RBM28: variants seen among roughly 807,000 people sequenced by gnomAD.
The protein encoded by RBM28 is RNA binding motif protein 28, also known as RNA-binding protein 28.
RBM28 carries 78 observed loss-of-function variants against 98.3 expected under a neutral mutation model. That is an observed-to-expected ratio of 0.79 (90% CI 0.66 to 0.96). The LOEUF (loss-of-function observed/expected upper bound fraction) is 0.96. Among genes scored for constraint, RBM28 ranks in the 40% least tolerant of loss-of-function variants. The pLI, the probability that RBM28 is intolerant of heterozygous loss-of-function variation, is 0.00. For missense variants in RBM28, 838 were observed against 913.0 expected (o/e 0.92, Z 1.06); for synonymous variants, 306 against 330.9 (o/e 0.92, Z 0.82).
chr7:128,326,712 A>C (rs1335007020), intron 10 of RBM28, among the ~76,000 whole-genome samples: 4 of 152,358 alleles, frequency 2.6e-5, no homozygotes, highest in African/African-American at 9.6e-5. Flanking sequence ...TTGCACTATG[A>C]CACAGGCACT....
At chr7:128,343,293 G>A (rs1404261686) in intron 1 of RBM28, among the ~76,000 whole-genome samples, 1 of 152,066 alleles carries the variant, frequency 6.6e-6, no homozygotes, top group African/African-American at 2.4e-5. Context: ...CCTAAATCCC[G>A]GATTCCTGTC....
chr7:128,315,643 ACTT>A (rs1263141816), intron 16 of RBM28, among the ~76,000 whole-genome samples: 2 of 152,170 alleles, frequency 1.3e-5, no homozygotes, highest in African/African-American at 4.8e-5. Context: ...GATTTCCAAG[ACTT>A]CTCTTCAGAA....
At chr7:128,337,676 G>C (rs941644607) in intron 5 of RBM28, among the ~76,000 whole-genome samples, 6 of 150,818 alleles carry the variant, frequency 4.0e-5, no homozygotes, top group African/African-American at 1.2e-4. Context: ...TCCTGCCTCA[G>C]CCTCTTGAGT....
chr7:128,338,255 A>C lies in RBM28; in HGVS notation c.536T>G (p.Ile179Arg). ...KALKGMNMKE[I>R]KGRTVAVDWA... is the part of the protein sequence containing the mutation. ...TATGGGTATAGAAAGCTTACCTTTT[A>C]TCTCTTTCATGTTCATGCCTTTGAG... The change falls in exon 5 of 19, where the codon ATA becomes AGA. Residue 179 changes from isoleucine to arginine, a missense_variant. By Grantham distance (97) the Ile-to-Arg change is moderately conservative (BLOSUM62 -3). Transcript: ENST00000223073. The C allele has an allele frequency of 3.1e-6, 5 of 1,613,360 alleles. No homozygotes were observed. In the South Asian group the frequency reaches 3.3e-5, roughly 11 times the overall value.
At chr7:128,318,716 T>TA (rs1419186750) in intron 14 of RBM28, among the ~76,000 whole-genome samples, 2 of 152,130 alleles carry the variant, frequency 1.3e-5, no homozygotes, top group African/African-American at 4.8e-5. Context: ...GTATGGATGT[T>TA]AAAAAACAAA....
rs1159915801 is a variant in RBM28 at position 128,304,269 on chromosome 7, C to T, written c.*6528G>A. The T allele has an allele frequency of 6.6e-6, 1 of 152,152 alleles. No homozygotes were observed. The highest frequency in any genetic ancestry group is 1.5e-5 in the Non-Finnish European group (1 of 68,040). The allele number at this position is 152,152 out of a possible 1,614,324, so 9.4% of individuals were successfully genotyped here. On this transcript the variant is annotated 3_prime_UTR_variant, in exon 19 of 19. Coordinates refer to ENST00000223073, the MANE Select transcript of RBM28 (RefSeq NM_018077.3). ...GATTTTTGCTGACTCTTCTATCCAACCTGTTTGCAATTCAACCATGATATG... is the reference window on the plus strand; with the variant it reads ...GATTTTTGCTGACTCTTCTATCCAATCTGTTTGCAATTCAACCATGATATG...
rs1795937787 is a variant in RBM28, at chr7:128,309,638, A to T, written c.*1159T>A. The stretch of plus-strand genomic sequence containing the variant: ...ACAGAGTGAGACTCCATCTCAAAAA[A>T]AAAAAAAAAAGAAGAAGAAACAGGG... On this transcript the variant is annotated 3_prime_UTR_variant, in exon 19 of 19. Coordinates refer to ENST00000223073, the MANE Select transcript of RBM28 (RefSeq NM_018077.3). 6.5e-6 allele frequency: 1 copy of T among 153,998 alleles called. No individual in the cohort carries two copies. The highest frequency in any genetic ancestry group is 1.4e-5 in the Non-Finnish European group (1 of 69,852). The allele number at this position is 153,998 out of a possible 1,614,324, so 9.5% of individuals were successfully genotyped here.
rs1796092402 is a variant in RBM28 at position 128,315,669 on chromosome 7, A to G, written c.1789-649T>C. Reference sequence around the variant, plus strand: ...CTTCTCTTCAGAAACCATGTAAGCAAGAAGGGAGTGAAGTGAGATATTTAA... The same window carrying G: ...CTTCTCTTCAGAAACCATGTAAGCAGGAAGGGAGTGAAGTGAGATATTTAA... On this transcript the variant is annotated intron_variant, in intron 16 of 18. Coordinates refer to ENST00000223073, the MANE Select transcript of RBM28 (RefSeq NM_018077.3). Among the ~76,000 whole-genome samples, 8 of 152,174 alleles carry G rather than the reference A, an allele frequency of 5.3e-5. No homozygotes were observed. The South Asian group carries it at 1.5e-3, about 28-fold the overall frequency.
chr7:128,321,038 C>T (rs1796220550), intron 14 of RBM28, among the ~76,000 whole-genome samples: 1 of 152,176 alleles, frequency 6.6e-6, no homozygotes, highest in South Asian at 2.1e-4. Context: ...TGGTGGCGCA[C>T]GCCTATAGTC....
intron 9 of RBM28, among the ~76,000 whole-genome samples, chr7:128,332,768 ACAT>A (rs1361539187): frequency 1.3e-5 from 2 of 152,218 alleles, no homozygotes; most frequent in African/African-American, 4.8e-5. Context: ...TATACTGAAG[ACAT>A]CCTGACCTCA....
rs1168216040 is a variant in RBM28, at chr7:128,325,832, A to C, written c.1189T>G (p.Ser397Ala). The change falls in exon 11 of 19, where the codon TCT becomes GCT. Residue 397 changes from serine (S) to alanine (A), a missense_variant. Transcript: ENST00000223073. ...ATCTTCCTTACCTCATTCTCTGGAG[A>C]AGCAGCTAGAAGGCATTTCTGAGCT... is the stretch of plus-strand genomic sequence containing the variant. ...EAAQKCLLAASPENEAGGLKL... is the reference protein window; with the variant it reads ...EAAQKCLLAAAPENEAGGLKL... 27 of 1,613,234 alleles carry C rather than the reference A, an allele frequency of 1.7e-5. No individual in the cohort carries two copies. Among genetic ancestry groups the C allele is most frequent in the Non-Finnish European group, 2.2e-5 (26 of 1,179,604 alleles).
chr7:128,315,149 T>A, intron 16 of RBM28, 129 bp from the exon 17 acceptor site: 1 of 1,359,166 alleles, frequency 7.4e-7, no homozygotes, highest in Non-Finnish European at 1.0e-6. Context: ...AATTGGAGAC[T>A]AGAGGAAAGT....
intron 18 of RBM28, 69 bp downstream of exon 18, chr7:128,313,106 A>C: frequency 2.7e-6 from 4 of 1,486,316 alleles, no homozygotes; most frequent in African/African-American, 1.4e-5. Flanking sequence ...TCAACTAACC[A>C]AGGTACAAAC....
At chr7:128,324,161 G>A (rs1796296286) in intron 12 of RBM28, among the ~76,000 whole-genome samples, 1 of 152,084 alleles carries the variant, frequency 6.6e-6, no homozygotes, top group Non-Finnish European at 1.5e-5. Context: ...TAATTTTTTT[G>A]TCTTTCTGAC....
chr7:128,314,619 C>T (rs965502236), intron 17 of RBM28, 145 bp downstream of exon 17: 109 of 1,355,960 alleles, frequency 8.0e-5, no homozygotes, highest in Non-Finnish European at 1.1e-4. Flanking sequence ...GTTGAAGACT[C>T]GCGTGTTAAC....
At position 128,310,752 on chromosome 7, in the gene RBM28, C is replaced by A. The variant is rs200614687; in HGVS notation, c.*45G>T. ...GATGGGGAGGAGCCCAGGAGTGTCA[C>A]CAGAAAGTACACAACCCAGCTTCTT... is the stretch of plus-strand genomic sequence containing the variant. On this transcript the variant is annotated 3_prime_UTR_variant, in exon 19 of 19. Coordinates refer to ENST00000223073, the MANE Select transcript of RBM28 (RefSeq NM_018077.3). 3 of 1,611,340 alleles carry A rather than the reference C, an allele frequency of 1.9e-6. No homozygotes were observed. In the Middle Eastern group the frequency reaches 5.0e-4, roughly 266 times the overall value.
At chr7:128,335,036 G>C (rs1345263487) in intron 8 of RBM28, among the ~76,000 whole-genome samples, 1 of 152,196 alleles carries the variant, frequency 6.6e-6, no homozygotes, top group Non-Finnish European at 1.5e-5. Context: ...CTAGCCTCTA[G>C]AGCTGTGAGA....
At position 128,308,324 on chromosome 7, in the gene RBM28, T is replaced by G. The variant is rs1378650315; in HGVS notation, c.*2473A>C. 6.6e-6 allele frequency: 1 copy of G among 152,224 alleles called. No homozygotes were observed. The highest frequency in any genetic ancestry group is 1.9e-4 in the East Asian group (1 of 5,202). 9.4% of individuals were successfully genotyped at this position (152,224 alleles called of 1,614,324 possible). A position where few individuals can be genotyped will look rare whatever the true frequency, so the allele number is the denominator to read the frequency against. On this transcript the variant is annotated 3_prime_UTR_variant, in exon 19 of 19. Transcript: ENST00000223073. ...AATGAACACCAATTTTGATCTATCC[T>G]AAGTGTTAAGATATATTTTTGAATG... is the stretch of plus-strand genomic sequence containing the variant.
At chr7:128,339,426 G>A (rs1453834394) in intron 2 of RBM28, 105 bp from the exon 3 acceptor site, 2 of 1,156,650 alleles carry the variant, frequency 1.7e-6, no homozygotes, top group African/African-American at 1.5e-5. Context: ...TTTACCACAG[G>A]GTTAAGTGTG....
Sources: gnomAD v4.1 joint callset for allele counts (sites outside exome capture counted in the v4.1 genomes callset) on GRCh38, gnomAD v4.1.1 for gene constraint, MANE v1.5 for transcripts, NCBI Gene and HGNC (gene_info 2026-07-23, HGNC 2026-07-21) for gene names.